Variants in DIAPH2 observed in about 807,000 individuals in gnomAD.
DIAPH2 encodes diaphanous related formin 2.
DIAPH2 carries 35 observed loss-of-function variants against 92.7 expected under a neutral mutation model. That is an observed-to-expected ratio of 0.38 (90% CI 0.29 to 0.50). The LOEUF (loss-of-function observed/expected upper bound fraction) is 0.50. Ranked by LOEUF, DIAPH2 falls within the 20% of genes least tolerant of loss-of-function variation. DIAPH2 has a pLI of 0.94. For synonymous variants in DIAPH2, 301 were observed against 280.4 expected, an observed-to-expected ratio of 1.07 and a Z score of -0.73; for missense variants, 701 against 819.5, an observed-to-expected ratio of 0.86 and a Z score of 1.77.
At chrX:97,333,230 G>C (rs2069016983) in intron 23 of DIAPH2, among the ~76,000 whole-genome samples, 1 of 111,672 alleles carries the variant, frequency 9.0e-6, no homozygotes, top group South Asian at 3.8e-4. Context: ...CTTGCTCCTT[G>C]TACTTCTTAC....
At chrX:97,192,415 C>T (rs1291497340) in intron 22 of DIAPH2, among the ~76,000 whole-genome samples, 1 of 110,832 alleles carries the variant, frequency 9.0e-6, no homozygotes, top group African/African-American at 3.3e-5. Context: ...TTTTTAAATC[C>T]GTGCATATAC....
intron 24 of DIAPH2, among the ~76,000 whole-genome samples, chrX:97,369,405 G>C (rs1030038158): frequency 5.4e-5 from 4 of 74,538 alleles, no homozygotes; most frequent in Admixed American, 3.2e-4. Context: ...AGGGAGGAGA[G>C]GTTTAAAGGT....
chrX:97,182,374 C>T (rs567708647), intron 22 of DIAPH2, among the ~76,000 whole-genome samples: 11 of 111,192 alleles, frequency 9.9e-5, no homozygotes, highest in African/African-American at 3.3e-4. Flanking sequence ...ATAATGGCCT[C>T]GAATGCCATG....
At chrX:96,872,647 A>G (rs2065151657) in intron 4 of DIAPH2, among the ~76,000 whole-genome samples, 1 of 108,696 alleles carries the variant, frequency 9.2e-6, no homozygotes, top group African/African-American at 3.4e-5. Context: ...GCACGCCACC[A>G]CGCCCGGCTA....
At chrX:97,549,564 A>G (rs1440780516) in intron 26 of DIAPH2, among the ~76,000 whole-genome samples, 1 of 111,869 alleles carries the variant, frequency 8.9e-6, no homozygotes, top group African/African-American at 3.2e-5. Context: ...TATTTCTTCA[A>G]AATAAGAACA....
chrX:96,738,712 T>A lies in DIAPH2; in HGVS notation c.292T>A (p.Ser98Thr). Residue 98 changes from serine (S) to threonine (T), a missense_variant, in exon 3 of 27, where the codon TCT (serine) becomes ACT (threonine). Ser to Thr is a moderately conservative substitution (Grantham distance 58). Coordinates refer to ENST00000324765, the MANE Select transcript of DIAPH2 (RefSeq NM_006729.5). ...PAAQPLYDER[S>T]LNLSEKEVLD... ...AGCTCAGCCATTATATGATGAACGA[T>A]CTTTGAATTTGTCAGAAAAGGAAGT... 1 of 1,209,081 alleles carries A rather than the reference T, an allele frequency of 8.3e-7. No homozygotes were observed. Among genetic ancestry groups the A allele is most frequent in the Non-Finnish European group, 1.1e-6 (1 of 894,500 alleles).
At chrX:97,391,011 A>ATAG (rs2069654050) in intron 25 of DIAPH2, among the ~76,000 whole-genome samples, 1 of 112,027 alleles carries the variant, frequency 8.9e-6, no homozygotes, top group Admixed American at 9.5e-5. Flanking sequence ...TGTGTTACAA[A>ATAG]TATTATTATT....
chrX:96,893,365 G>C lies in DIAPH2; in HGVS notation c.587+11647G>C, dbSNP rs771254199. Among the ~76,000 whole-genome samples the C allele has an allele frequency of 3.6e-5, 4 of 111,148 alleles. No homozygotes were observed. In the South Asian group the frequency reaches 1.5e-3, roughly 43 times the overall value. On this transcript the variant is annotated intron_variant, in intron 5 of 26. Coordinates refer to ENST00000324765, the MANE Select transcript of DIAPH2 (RefSeq NM_006729.5). ...ATCAGGTAAACAGTTCTGTCTCTCA[G>C]TAAAAGTCTCTCAATAAAAAGAGAG...
At chrX:97,540,857 C>T (rs1001401278) in intron 26 of DIAPH2, among the ~76,000 whole-genome samples, 1 of 111,598 alleles carries the variant, frequency 9.0e-6, no homozygotes, top group South Asian at 3.8e-4. Flanking sequence ...CATGACCTTC[C>T]GTACCTTTGT....
chrX:97,456,323 C>A (rs752011598), intron 26 of DIAPH2, among the ~76,000 whole-genome samples: 1 of 109,475 alleles, frequency 9.1e-6, no homozygotes, highest in East Asian at 2.9e-4. Flanking sequence ...GGAGGCGGAG[C>A]TTGCAGTGAG....
chrX:97,441,091 G>A (rs1317958722), intron 26 of DIAPH2, among the ~76,000 whole-genome samples: 2 of 111,794 alleles, frequency 1.8e-5, no homozygotes, highest in African/African-American at 3.3e-5. Flanking sequence ...AGAGTTTCAG[G>A]AGAATCTGTT....
At chrX:97,025,481 AT>A (rs2066326833) in intron 17 of DIAPH2, among the ~76,000 whole-genome samples, 1 of 108,895 alleles carries the variant, frequency 9.2e-6, no homozygotes, top group South Asian at 4.1e-4. Flanking sequence ...GAAACCCCGT[AT>A]CTACTAAAAA....
chrX:96,827,081 A>C (rs956054353), intron 4 of DIAPH2, among the ~76,000 whole-genome samples: 1 of 112,919 alleles, frequency 8.9e-6, no homozygotes, highest in African/African-American at 3.2e-5. Flanking sequence ...ATTAAGTTTA[A>C]AATATTTTTT....
chrX:96,991,449 A>G lies in DIAPH2; in HGVS notation c.2050+26242A>G, dbSNP rs775521772. On this transcript the variant is annotated intron_variant, in intron 17 of 26. Coordinates refer to ENST00000324765, the MANE Select transcript of DIAPH2 (RefSeq NM_006729.5). ...TCCCATTTTATACCTGAGGAAAATA[A>G]GGCAAAGAGAAATTACATAACTTGC... Among the ~76,000 whole-genome samples the G allele has an allele frequency of 6.4e-5, 7 of 109,808 alleles. No individual in the cohort carries two copies. The South Asian group carries it at 2.8e-3, about 43-fold the overall frequency.
intron 22 of DIAPH2, among the ~76,000 whole-genome samples, chrX:97,174,409 A>G (rs938751716): frequency 1.8e-5 from 2 of 111,653 alleles, no homozygotes; most frequent in Non-Finnish European, 3.8e-5. Flanking sequence ...TCAGGATTAC[A>G]TTCTCGTGTG....
chrX:97,509,709 C>G (rs1485330184), intron 26 of DIAPH2, among the ~76,000 whole-genome samples: 1 of 105,278 alleles, frequency 9.5e-6, no homozygotes, highest in Non-Finnish European at 1.9e-5. Flanking sequence ...CTTCCTGTGT[C>G]CATGTGTTCT....
intron 13 of DIAPH2, among the ~76,000 whole-genome samples, chrX:96,944,585 T>C (rs1196352356): frequency 8.9e-6 from 1 of 112,049 alleles, no homozygotes; most frequent in Non-Finnish European, 1.9e-5. Context: ...ATAGTCTCTC[T>C]CATTAGTTGC....
At chrX:97,129,150 CTTTTCTTTT>C (rs2067118408) in intron 21 of DIAPH2, among the ~76,000 whole-genome samples, 14 of 66,564 alleles carry the variant, frequency 2.1e-4, no homozygotes, top group African/African-American at 7.8e-4. Context: ...TCTTTTCTTT[CTTTTCTTTT>C]CTTTTCTTTC....
At chrX:97,578,439 C>T (rs772305119) in intron 26 of DIAPH2, among the ~76,000 whole-genome samples, 112 of 105,209 alleles carry the variant, frequency 1.1e-3, no homozygotes, top group Middle Eastern at 9.7e-3. Flanking sequence ...TTTGCTCTTG[C>T]GATAGTTTAC....
Sources: gnomAD v4.1 joint callset for allele counts (sites outside exome capture counted in the v4.1 genomes callset) on GRCh38, gnomAD v4.1.1 for gene constraint, MANE v1.5 for transcripts, NCBI Gene and HGNC (gene_info 2026-07-23, HGNC 2026-07-21) for gene names.